Variants in ZFP91 observed in about 807,000 individuals in gnomAD.
ZFP91 encodes E3 ubiquitin-protein ligase ZFP91.
ZFP91 carries 7 observed loss-of-function variants against 63.5 expected under a neutral mutation model. The observed-to-expected ratio is 0.11, with a 90% CI of 0.06 to 0.21. The LOEUF is 0.21. Among genes scored for constraint, ZFP91 ranks in the 10% least tolerant of loss-of-function variants. The pLI is 1.00. For missense variants in ZFP91, 628 were observed against 736.6 expected (o/e 0.85, Z 1.71); for synonymous variants, 330 against 272.1 (o/e 1.21, Z -2.10).
At chr11:58,587,898 A>C (rs576912247) in intron 2 of ZFP91, among the ~76,000 whole-genome samples, 1 of 152,244 alleles carries the variant, frequency 6.6e-6, no homozygotes, top group East Asian at 1.9e-4. Flanking sequence ...AGTATGTTTT[A>C]AATGTTTAAT....
intron 2 of ZFP91, among the ~76,000 whole-genome samples, chr11:58,590,729 A>C (rs1397874832): frequency 6.6e-6 from 1 of 152,082 alleles, no homozygotes; most frequent in Non-Finnish European, 1.5e-5. Flanking sequence ...TGAGTATTTC[A>C]TATTTTTTGA....
At chr11:58,610,241 G>C in intron 3 of ZFP91, 57 bp from the exon 4 acceptor site, 1 of 1,547,506 alleles carries the variant, frequency 6.5e-7, no homozygotes. Flanking sequence ...TGACTGCAGA[G>C]AGAAAATATC....
intron 2 of ZFP91, among the ~76,000 whole-genome samples, chr11:58,603,302 G>A (rs560035533): frequency 2.2e-4 from 34 of 152,334 alleles, no homozygotes; most frequent in Non-Finnish European, 2.8e-4. Flanking sequence ...TAGCAAAAAG[G>A]AGCCAGCACT....
intron 9 of ZFP91, among the ~76,000 whole-genome samples, chr11:58,615,344 C>T (rs1855732234): frequency 6.6e-6 from 1 of 152,180 alleles, no homozygotes; most frequent in Admixed American, 6.5e-5. Context: ...TCTGTTCCTT[C>T]TGCTCCCTGT....
chr11:58,611,185 C>A, intron 5 of ZFP91, 131 bp downstream of exon 5: 1 of 688,976 alleles, frequency 1.5e-6, no homozygotes, highest in Non-Finnish European at 2.3e-6. Context: ...TAATTATGCA[C>A]TTCTTTTGTA....
At chr11:58,606,176 C>T (rs1855567393) in intron 2 of ZFP91, among the ~76,000 whole-genome samples, 1 of 152,158 alleles carries the variant, frequency 6.6e-6, no homozygotes, top group Non-Finnish European at 1.5e-5. Context: ...ATTCTCCTAC[C>T]TCAGCCTCCC....
intron 1 of ZFP91, among the ~76,000 whole-genome samples, chr11:58,579,988 C>G (rs1855080319): frequency 6.6e-6 from 1 of 152,144 alleles, no homozygotes; most frequent in Non-Finnish European, 1.5e-5. Flanking sequence ...AGTATTACAT[C>G]ACATGCCCTT....
At chr11:58,612,155 T>C in intron 6 of ZFP91, 123 bp from the exon 7 acceptor site, 1 of 928,560 alleles carries the variant, frequency 1.1e-6, no homozygotes, top group African/African-American at 1.7e-5. Context: ...TGACTTTATG[T>C]ATTCTTGGTT....
intron 2 of ZFP91, among the ~76,000 whole-genome samples, chr11:58,585,590 C>G (rs1174295298): frequency 6.6e-6 from 1 of 152,100 alleles, no homozygotes; most frequent in Non-Finnish European, 1.5e-5. Context: ...TCTTTTATTA[C>G]GTGTGACCTT....
intron 2 of ZFP91, among the ~76,000 whole-genome samples, chr11:58,606,074 TG>T (rs199805860): frequency 5.9e-5 from 9 of 151,634 alleles, no homozygotes; most frequent in East Asian, 3.9e-4. Context: ...TCCTTTTTTG[TG>T]GGGGGGGTGT....
At chr11:58,598,931 C>A (rs1018386637) in intron 2 of ZFP91, among the ~76,000 whole-genome samples, 3 of 152,032 alleles carry the variant, frequency 2.0e-5, no homozygotes, top group African/African-American at 7.2e-5. Context: ...ACAAAGGAGA[C>A]CCCTGTACCC....
chr11:58,610,072 A>G, intron 3 of ZFP91, 33 bp downstream of exon 3: 1 of 1,602,540 alleles, frequency 6.2e-7, no homozygotes, highest in Non-Finnish European at 8.5e-7. Context: ...CTGTTTACTA[A>G]CTAGTTGCTG....
At chr11:58,580,114 C>A (rs928940712) in intron 1 of ZFP91, among the ~76,000 whole-genome samples, 17 of 123,238 alleles carry the variant, frequency 1.4e-4, no homozygotes, top group African/African-American at 4.6e-4. Flanking sequence ...TTTCACTTTT[C>A]TAAATTTTTC....
chr11:58,594,827 G>A (rs576196265), intron 2 of ZFP91, among the ~76,000 whole-genome samples: 7 of 152,140 alleles, frequency 4.6e-5, no homozygotes, highest in African/African-American at 9.6e-5. Context: ...TTTATTTTCC[G>A]GTTTTTAATC....
chr11:58,613,706 GATTATT>G (rs376630547), intron 8 of ZFP91, among the ~76,000 whole-genome samples: 2 of 152,064 alleles, frequency 1.3e-5, no homozygotes, highest in Non-Finnish European at 2.9e-5. Context: ...TTCTTGAGTA[GATTATT>G]ATTATTATTT....
chr11:58,599,392 GT>G (rs1454601444), intron 2 of ZFP91, among the ~76,000 whole-genome samples: 1 of 151,980 alleles, frequency 6.6e-6, no homozygotes, highest in Non-Finnish European at 1.5e-5. Flanking sequence ...TCTTAACACT[GT>G]TTTCTTAGGT....
intron 2 of ZFP91, among the ~76,000 whole-genome samples, chr11:58,586,359 TAA>T (rs1044443311): frequency 5.3e-5 from 8 of 152,044 alleles, no homozygotes; most frequent in Non-Finnish European, 1.2e-4. Flanking sequence ...GTTTGTTGAG[TAA>T]AGACAGGGTT....
chr11:58,600,472 TA>T (rs1855475415), intron 2 of ZFP91, among the ~76,000 whole-genome samples: 1 of 152,154 alleles, frequency 6.6e-6, no homozygotes, highest in Non-Finnish European at 1.5e-5. Flanking sequence ...TCATTGCTAA[TA>T]TGCTTAAAAC....
intron 5 of ZFP91, 36 bp from the exon 6 acceptor site, chr11:58,611,568 C>T (rs1481099827): frequency 6.3e-7 from 1 of 1,594,910 alleles, no homozygotes; most frequent in Non-Finnish European, 8.5e-7. Flanking sequence ...TTGAAAAGAT[C>T]TTTTGTCTAG....
Sources: allele counts gnomAD v4.1 joint callset (sites outside exome capture counted in the v4.1 genomes callset), GRCh38; gene constraint gnomAD v4.1.1; transcripts MANE v1.5; gene names NCBI Gene and HGNC (gene_info 2026-07-23, HGNC 2026-07-21).